CHSY1: variants seen among roughly 807,000 people sequenced by gnomAD.
CHSY1 encodes the protein N-acetylgalactosaminyl-proteoglycan 3-beta-glucuronosyltransferase 1.
CHSY1 carries 13 observed loss-of-function variants against 59.8 expected under a neutral mutation model. The observed-to-expected ratio is 0.22, with a 90% CI of 0.14 to 0.35. CHSY1 has a LOEUF of 0.35. CHSY1 is among the 10% of genes least tolerant of loss of function. The pLI, the probability that CHSY1 is intolerant of heterozygous loss-of-function variation, is 1.00. For synonymous variants in CHSY1, 459 were observed against 401.2 expected (o/e 1.14, Z -1.72); for missense variants, 947 against 1,030.6 (o/e 0.92, Z 1.11).
At chr15:101,202,273 G>C (rs1259387312) in intron 2 of CHSY1, among the ~76,000 whole-genome samples, 2 of 39,680 alleles carry the variant, frequency 5.0e-5, no homozygotes, top group Non-Finnish European at 8.0e-5. Context: ...GGAGGATGGA[G>C]GGCATTTCTG....
At chr15:101,217,191 C>T (rs1043517790) in intron 2 of CHSY1, among the ~76,000 whole-genome samples, 3 of 152,074 alleles carry the variant, frequency 2.0e-5, no homozygotes, top group Admixed American at 2.0e-4. Flanking sequence ...GTGGTAAAAG[C>T]CAGGTTTCTC....
chr15:101,220,823 A>G (rs1444552263), intron 2 of CHSY1, among the ~76,000 whole-genome samples: 1 of 152,158 alleles, frequency 6.6e-6, no homozygotes, highest in African/African-American at 2.4e-5. Flanking sequence ...GGGCCTCCGC[A>G]TGCCCATTCC....
At chr15:101,180,361 T>C (rs938926386) in intron 2 of CHSY1, among the ~76,000 whole-genome samples, 1 of 152,182 alleles carries the variant, frequency 6.6e-6, no homozygotes, top group Admixed American at 6.5e-5. Context: ...TTTCCAACTT[T>C]CCTTCCCACA....
In CHSY1 at chr15:101,178,817, A is replaced by G; in HGVS notation, c.980T>C (p.Leu327Pro). Residue 327 changes from leucine (L) to proline (P), a missense_variant, in exon 3 of 3, where the codon CTC (leucine) becomes CCC (proline). Coordinates refer to ENST00000254190, the MANE Select transcript of CHSY1 (RefSeq NM_014918.5). ...GTGCAGCTGTATTGTGCGATGGCGG[A>G]GCTCGGATATCTTGCGGCTCAGCAT... The part of the protein sequence containing the change: ...SYMLSRKISE[L>P]RHRTIQLHRE... 6.2e-7 allele frequency: 1 copy of G among 1,614,062 alleles called. No individual in the cohort carries two copies. The highest frequency in any genetic ancestry group is 8.5e-7 in the Non-Finnish European group (1 of 1,180,020).
chr15:101,217,625 G>C (rs894255296), intron 2 of CHSY1, among the ~76,000 whole-genome samples: 2 of 152,162 alleles, frequency 1.3e-5, no homozygotes, highest in Non-Finnish European at 2.9e-5. Context: ...TGGAGGGAGG[G>C]AGGACCGAGC....
chr15:101,192,006 C>G (rs2038451575), intron 2 of CHSY1, among the ~76,000 whole-genome samples: 1 of 152,170 alleles, frequency 6.6e-6, no homozygotes, highest in East Asian at 1.9e-4. Flanking sequence ...TAATAATTAA[C>G]AATGAGTAGG....
rs77753464 is a variant in CHSY1, at chr15:101,245,497, G to A, written c.320+5640C>T. On this transcript the variant is annotated intron_variant, in intron 1 of 2. Transcript: ENST00000254190. ...ACAGCCCTCATCAACCAATACCATC[G>A]CTCGTTTCCTTCTGAGACAATGAAC... 6.6e-3 allele frequency among the ~76,000 whole-genome samples: 1,005 copies of A among 152,184 alleles called. 18 individuals carry two copies. The East Asian group carries it at 0.069, about 10-fold the overall frequency.
chr15:101,198,156 G>A (rs2038529265), intron 2 of CHSY1, among the ~76,000 whole-genome samples: 1 of 152,058 alleles, frequency 6.6e-6, no homozygotes, highest in Admixed American at 6.6e-5. Flanking sequence ...CTTTTGGCTT[G>A]TGCTTAAGAC....
intron 2 of CHSY1, among the ~76,000 whole-genome samples, chr15:101,188,509 A>G (rs1487994478): frequency 9.9e-5 from 15 of 152,150 alleles, no homozygotes; most frequent in Admixed American, 9.8e-4. Context: ...AGGCTTTGCC[A>G]ATTTTCATCT....
chr15:101,210,260 A>C (rs950587901), intron 2 of CHSY1, among the ~76,000 whole-genome samples: 1 of 152,248 alleles, frequency 6.6e-6, no homozygotes, highest in Non-Finnish European at 1.5e-5. Context: ...AATTCTGCAT[A>C]ATGTGCAAAG....
chr15:101,197,050 A>G (rs2038515849), intron 2 of CHSY1, among the ~76,000 whole-genome samples: 1 of 152,114 alleles, frequency 6.6e-6, no homozygotes, highest in South Asian at 2.1e-4. Flanking sequence ...AAGAATCACA[A>G]ATTTTGCTTG....
intron 1 of CHSY1, among the ~76,000 whole-genome samples, chr15:101,241,680 C>T (rs1254410764): frequency 6.6e-6 from 1 of 152,126 alleles, no homozygotes; most frequent in Non-Finnish European, 1.5e-5. Context: ...GTGAGTTCCC[C>T]AAAATCACTA....
At chr15:101,237,695 T>C (rs920472894) in intron 1 of CHSY1, among the ~76,000 whole-genome samples, 1 of 152,248 alleles carries the variant, frequency 6.6e-6, no homozygotes, top group African/African-American at 2.4e-5. Flanking sequence ...GAGCAGCTAA[T>C]TGAAGGCTAT....
chr15:101,177,438 G>C lies in CHSY1; in HGVS notation c.2359C>G (p.Pro787Ala), dbSNP rs774345953. The C allele has an allele frequency of 2.5e-6, 4 of 1,613,614 alleles. No individual in the cohort carries two copies. The Admixed American group carries it at 6.7e-5, about 27-fold the overall frequency. The change falls in exon 3 of 3, where the codon CCA (proline) becomes GCA (alanine). Residue 787 changes from proline (P) to alanine (A), a missense_variant. Around this residue, in one of 4 missense-constraint regions of CHSY1, gnomAD observed 602 missense variants for 676.9 expected, o/e 0.89. Transcript: ENST00000254190. ...TTATTGCTGCTTTTACTGTAACTTGGATCATTTTTTTCCAGCCACATCTCA... is the reference window on the plus strand; with the variant it reads ...TTATTGCTGCTTTTACTGTAACTTGCATCATTTTTTTCCAGCCACATCTCA... ...LAEMWLEKND[P>A]SYSKSSNNNG...
In CHSY1 at chr15:101,205,761, A is replaced by C. The variant is rs552426311; in HGVS notation, c.817-26781T>G. Among the ~76,000 whole-genome samples, 84 of 152,168 alleles carry C rather than the reference A, an allele frequency of 5.5e-4. 1 individual carries two copies. The East Asian group carries it at 7.2e-3, about 13-fold the overall frequency. On this transcript the variant is annotated intron_variant, in intron 2 of 2. Transcript: ENST00000254190. Reference sequence around the variant, plus strand: ...GATCAGGAGATCGAGACCATCCTGGATAAAACGGTGAAACCCCGTCTCTAC... The same window carrying C: ...GATCAGGAGATCGAGACCATCCTGGCTAAAACGGTGAAACCCCGTCTCTAC...
At chr15:101,231,777 GTTCCC>G in intron 2 of CHSY1, among the ~76,000 whole-genome samples, 2 of 152,188 alleles carry the variant, frequency 1.3e-5, no homozygotes, top group East Asian at 3.8e-4. Flanking sequence ...TTTTCTTTTT[GTTCCC>G]TCTTAAGAGT....
At chr15:101,225,288 G>A (rs550444200) in intron 2 of CHSY1, among the ~76,000 whole-genome samples, 2 of 151,620 alleles carry the variant, frequency 1.3e-5, no homozygotes, top group South Asian at 4.2e-4. Context: ...GGCTGGTCTT[G>A]AACTCCTGGG....
intron 1 of CHSY1, among the ~76,000 whole-genome samples, chr15:101,240,753 T>C (rs1340944983): frequency 6.6e-6 from 1 of 152,250 alleles, no homozygotes; most frequent in Non-Finnish European, 1.5e-5. Context: ...GGTGATAACC[T>C]TGAGCGGGAT....
chr15:101,221,221 C>T (rs1048508383), intron 2 of CHSY1, among the ~76,000 whole-genome samples: 40 of 152,160 alleles, frequency 2.6e-4, no homozygotes, highest in African/African-American at 9.4e-4. Flanking sequence ...AGGCCGGGTG[C>T]GGTGGCTCAC....
Sources: gnomAD v4.1 joint callset for allele counts (sites outside exome capture counted in the v4.1 genomes callset) on GRCh38, gnomAD v4.1.1 for gene constraint, gnomAD v4.1.1 regional missense constraint, MANE v1.5 for transcripts, NCBI Gene and HGNC (gene_info 2026-07-23, HGNC 2026-07-21) for gene names.